Variants in PDGFC observed in about 807,000 individuals in gnomAD.
PDGFC encodes platelet derived growth factor C.
PDGFC carries 12 observed loss-of-function variants against 35.5 expected under a neutral mutation model. The observed-to-expected ratio is 0.34, with a 90% CI of 0.22 to 0.55. The LOEUF (loss-of-function observed/expected upper bound fraction) is 0.55, where lower values mean the gene tolerates loss of function less well. Ranked by LOEUF, PDGFC falls within the 20% of genes least tolerant of loss-of-function variation. PDGFC has a pLI of 0.91. For synonymous variants in PDGFC, 159 were observed against 148.8 expected, an observed-to-expected ratio of 1.07 and a Z score of -0.50; for missense variants, 322 against 412.4, an observed-to-expected ratio of 0.78 and a Z score of 1.90.
intron 2 of PDGFC, among the ~76,000 whole-genome samples, chr4:156,837,037 A>G (rs1345421725): frequency 6.6e-6 from 1 of 152,180 alleles, no homozygotes; most frequent in Non-Finnish European, 1.5e-5. Context: ...TCAAGAATTA[A>G]CAAGGTCAGG....
rs534880400 is a variant in PDGFC at position 156,760,985 on chromosome 4, G to C, written c.*2105C>G. 2 of 152,078 alleles carry C rather than the reference G, an allele frequency of 1.3e-5. No homozygotes were observed. The highest frequency in any genetic ancestry group is 2.9e-5 in the Non-Finnish European group (2 of 68,032). 9.4% of individuals were successfully genotyped at this position (152,078 alleles called of 1,614,324 possible). A position where few individuals can be genotyped will look rare whatever the true frequency, so the allele number is the denominator to read the frequency against. On this transcript the variant is annotated 3_prime_UTR_variant, in exon 6 of 6. Coordinates refer to ENST00000502773, the MANE Select transcript of PDGFC (RefSeq NM_016205.3). Reference sequence around the variant, plus strand: ...TAGGACAAAACCAGGAAAAGGTAAGGAAGTAAGACAGAACACATAGGCTCA... The same window carrying C: ...TAGGACAAAACCAGGAAAAGGTAAGCAAGTAAGACAGAACACATAGGCTCA...
chr4:156,887,984 CAG>C (rs1346217778), intron 1 of PDGFC, among the ~76,000 whole-genome samples: 2 of 126,460 alleles, frequency 1.6e-5, no homozygotes, highest in Non-Finnish European at 3.3e-5. Flanking sequence ...GCCTGGGCAA[CAG>C]AGTGAAACCC....
At position 156,762,156 on chromosome 4, in the gene PDGFC, C is replaced by T. The variant is rs771835806; in HGVS notation, c.*934G>A. On this transcript the variant is annotated 3_prime_UTR_variant, in exon 6 of 6. Transcript: ENST00000502773. ...AGATTAATCTAACTCTAGCACCATA[C>T]GAGAATGAAATACATGTATTTTTGT... 9 of 152,530 alleles carry T rather than the reference C, an allele frequency of 5.9e-5. No individual in the cohort carries two copies. The highest frequency in any genetic ancestry group is 1.2e-4 in the Non-Finnish European group (8 of 68,034). The allele number at this position is 152,530 out of a possible 1,614,324, so 9.4% of individuals were successfully genotyped here. A position where few individuals can be genotyped will look rare whatever the true frequency, so the allele number is the denominator to read the frequency against.
chr4:156,791,286 G>A lies in PDGFC; in HGVS notation c.496-18393C>T, dbSNP rs12511858. On this transcript the variant is annotated intron_variant, in intron 3 of 5. Coordinates refer to ENST00000502773, the MANE Select transcript of PDGFC (RefSeq NM_016205.3). The stretch of plus-strand genomic sequence containing the variant: ...AGTGAAAATACAAAGGTTAAGACAG[G>A]CTCTGATCTCAAGACATTTGGATGA... Among the ~76,000 whole-genome samples the A allele has an allele frequency of 3.4e-3, 519 of 152,198 alleles. 10 individuals carry two copies. Among genetic ancestry groups the A allele is most frequent in the Admixed American group, 0.026 (402 of 15,286 alleles).
At position 156,795,264 on chromosome 4, in the gene PDGFC, A is replaced by C. The variant is rs990238260; in HGVS notation, c.495+15573T>G. Among the ~76,000 whole-genome samples, 15 of 152,252 alleles carry C rather than the reference A, an allele frequency of 9.9e-5. 1 individual carries two copies. The highest frequency in any genetic ancestry group is 9.2e-4 in the Admixed American group (14 of 15,284). Reference sequence around the variant, plus strand: ...ACTCCATATAAAATGAGTTACTATAAAAAACTGCTGTTAAGTCAGGTATGA... The same window carrying C: ...ACTCCATATAAAATGAGTTACTATACAAAACTGCTGTTAAGTCAGGTATGA... On this transcript the variant is annotated intron_variant, in intron 3 of 5. Transcript: ENST00000502773.
chr4:156,909,335 C>T (rs1010282560), intron 1 of PDGFC, among the ~76,000 whole-genome samples: 1 of 152,046 alleles, frequency 6.6e-6, no homozygotes, highest in Admixed American at 6.5e-5. Flanking sequence ...AAAGCCATTC[C>T]ACAAGTTCAT....
intron 1 of PDGFC, among the ~76,000 whole-genome samples, chr4:156,897,350 A>ATGTGTGTGTGTGTGTGTGTGTGTG (rs70956698): frequency 7.0e-6 from 1 of 142,986 alleles, no homozygotes; most frequent in Admixed American, 6.9e-5. Flanking sequence ...GTGAGAGTGT[A>ATGTGTGTGTGTGTGTGTGTGTGTG]TGTGTGTGTG....
chr4:156,818,582 G>A (rs1263412885), intron 2 of PDGFC, among the ~76,000 whole-genome samples: 7 of 143,796 alleles, frequency 4.9e-5, no homozygotes, highest in East Asian at 2.2e-4. Flanking sequence ...GTGCAGTGGC[G>A]CGATCTTGGC....
chr4:156,905,461 T>A (rs1324263556), intron 1 of PDGFC, among the ~76,000 whole-genome samples: 1 of 152,112 alleles, frequency 6.6e-6, no homozygotes, highest in African/African-American at 2.4e-5. Context: ...GTGCAATGCG[T>A]AAACTGAAAT....
In PDGFC at chr4:156,920,649, ACACAC is replaced by A. The variant is rs1560873570; in HGVS notation, c.118+50132_118+50136del. ...AAAGCTTAACAGGAAAAGAAAACACACACACACACACACACACACACACACACACA... is the reference window on the plus strand; with the variant it reads ...AAAGCTTAACAGGAAAAGAAAACACAACACACACACACACACACACACACA... On this transcript the variant is annotated intron_variant, in intron 1 of 5. Transcript: ENST00000502773. Among the ~76,000 whole-genome samples the A allele has an allele frequency of 6.6e-3, 657 of 98,876 alleles. 1 individual carries two copies. The highest frequency in any genetic ancestry group is 0.025 in the Middle Eastern group (5 of 198). The allele number at this position is 98,876 out of a possible 152,430, so 64.9% of individuals were successfully genotyped here. A position where few individuals can be genotyped will look rare whatever the true frequency, so the allele number is the denominator to read the frequency against.
chr4:156,808,114 G>T (rs1011144014), intron 3 of PDGFC, among the ~76,000 whole-genome samples: 3 of 151,860 alleles, frequency 2.0e-5, no homozygotes, highest in Non-Finnish European at 2.9e-5. Context: ...CTGCGTTCCG[G>T]TTTATGAATT....
intron 3 of PDGFC, among the ~76,000 whole-genome samples, chr4:156,781,220 T>C (rs1730972277): frequency 6.6e-6 from 1 of 152,192 alleles, no homozygotes; most frequent in Non-Finnish European, 1.5e-5. Context: ...CATCAAGTTA[T>C]CTTGGCTCAA....
At chr4:156,868,686 T>C (rs1438552053) in intron 1 of PDGFC, among the ~76,000 whole-genome samples, 1 of 152,204 alleles carries the variant, frequency 6.6e-6, no homozygotes, top group Non-Finnish European at 1.5e-5. Flanking sequence ...GTGAACCACC[T>C]GCTAGTTCTT....
intron 1 of PDGFC, among the ~76,000 whole-genome samples, chr4:156,969,255 G>A (rs1004981238): frequency 2.0e-5 from 3 of 152,202 alleles, no homozygotes; most frequent in African/African-American, 7.2e-5. Flanking sequence ...ACAAAGGTTG[G>A]TCTGATGTGT....
intron 1 of PDGFC, among the ~76,000 whole-genome samples, chr4:156,856,619 C>T (rs1729590518): frequency 6.6e-6 from 1 of 152,070 alleles, no homozygotes; most frequent in Admixed American, 6.6e-5. Context: ...TTTACTGAAG[C>T]CCATAACCTG....
At chr4:156,782,270 T>C (rs1201448931) in intron 3 of PDGFC, among the ~76,000 whole-genome samples, 4 of 152,194 alleles carry the variant, frequency 2.6e-5, no homozygotes, top group Admixed American at 2.0e-4. Context: ...ACTTATCCTA[T>C]GTCGGTTTTC....
At chr4:156,824,329 C>CACACACATATACACAT (rs1553967649) in intron 2 of PDGFC, among the ~76,000 whole-genome samples, 1 of 79,224 alleles carries the variant, frequency 1.3e-5, no homozygotes, top group African/African-American at 6.9e-5. Context: ...TATATATATA[C>CACACACATATACACAT]ACACACACAC....
chr4:156,893,160 A>C (rs1476803041), intron 1 of PDGFC, among the ~76,000 whole-genome samples: 1 of 152,242 alleles, frequency 6.6e-6, no homozygotes, highest in Non-Finnish European at 1.5e-5. Flanking sequence ...AGTCACCAAG[A>C]GAATTTTAAT....
chr4:156,929,101 C>A (rs1320272639), intron 1 of PDGFC, among the ~76,000 whole-genome samples: 1 of 152,132 alleles, frequency 6.6e-6, no homozygotes, highest in Non-Finnish European at 1.5e-5. Context: ...AGCAGTAACA[C>A]CCTTGCTATT....
Sources: allele counts gnomAD v4.1 joint callset (sites outside exome capture counted in the v4.1 genomes callset), GRCh38; gene constraint gnomAD v4.1.1; transcripts MANE v1.5; gene names NCBI Gene and HGNC (gene_info 2026-07-23, HGNC 2026-07-21).